ANKFN1: variants seen among roughly 807,000 people sequenced by gnomAD.
The protein encoded by ANKFN1 is ankyrin repeat and fibronectin type-III domain-containing protein 1.
ANKFN1 carries 74 observed loss-of-function variants against 108.7 expected under a neutral mutation model. The observed-to-expected ratio is 0.68, with a 90% CI of 0.56 to 0.83. ANKFN1 has a LOEUF of 0.83. Ranked by LOEUF, ANKFN1 falls within the 40% of genes least tolerant of loss-of-function variation. ANKFN1 has a pLI of 0.00. For synonymous variants in ANKFN1, 547 were observed against 516.2 expected (o/e 1.06, Z -0.81); for missense variants, 1,505 against 1,382.3 (o/e 1.09, Z -1.41).
At chr17:56,255,829 T>G (rs937171049) in intron 3 of ANKFN1, among the ~76,000 whole-genome samples, 4 of 152,158 alleles carry the variant, frequency 2.6e-5, no homozygotes, top group African/African-American at 7.2e-5. Context: ...AATCTAATAT[T>G]AGGAATTTAT....
At chr17:56,352,618 A>T (rs192445245) in intron 5 of ANKFN1, among the ~76,000 whole-genome samples, 110 of 152,280 alleles carry the variant, frequency 7.2e-4, no homozygotes, top group Non-Finnish European at 1.3e-3. Context: ...TTTTCAAAGG[A>T]ACCATATTTT....
At chr17:56,506,934 G>T (rs1052114575) in intron 20 of ANKFN1, among the ~76,000 whole-genome samples, 1 of 152,168 alleles carries the variant, frequency 6.6e-6, no homozygotes, top group South Asian at 2.1e-4. Context: ...GAGAATTGCT[G>T]TAAGTGTTAA....
chr17:56,398,768 A>G (rs1367822616), intron 8 of ANKFN1, among the ~76,000 whole-genome samples: 1 of 152,174 alleles, frequency 6.6e-6, no homozygotes, highest in Non-Finnish European at 1.5e-5. Flanking sequence ...TGATCTTGGA[A>G]AACGTTTCAT....
At chr17:56,396,948 A>G (rs1334344812) in intron 8 of ANKFN1, among the ~76,000 whole-genome samples, 1 of 152,184 alleles carries the variant, frequency 6.6e-6, no homozygotes, top group African/African-American at 2.4e-5. Flanking sequence ...GTTTCAAATC[A>G]TATAGTTGCA....
chr17:56,499,257 T>A (rs1303012238), intron 20 of ANKFN1, among the ~76,000 whole-genome samples, 159 bp downstream of exon 20: 2 of 152,058 alleles, frequency 1.3e-5, no homozygotes, highest in Non-Finnish European at 2.9e-5. Flanking sequence ...AAAATCAGAA[T>A]AGTAGAGGAA....
intron 4 of ANKFN1, among the ~76,000 whole-genome samples, chr17:56,055,675 T>C (rs1465127029): frequency 1.4e-5 from 2 of 148,112 alleles, no homozygotes; most frequent in African/African-American, 5.0e-5. Context: ...TGAATAATGC[T>C]GCAATGAACA....
chr17:56,482,869 T>A (rs760779281), intron 18 of ANKFN1, among the ~76,000 whole-genome samples: 2 of 152,080 alleles, frequency 1.3e-5, no homozygotes, highest in Admixed American at 6.6e-5. Flanking sequence ...TCTCTCTCTC[T>A]CTCACTCTCT....
At position 56,081,632 on chromosome 17, in the gene ANKFN1, C is replaced by T. The variant is rs187433920; in HGVS notation, c.288+35307C>T. On this transcript the variant is annotated intron_variant, in intron 4 of 12. Transcript: ENST00000635860. ...CCTCCCAAAGTACTGGGATTACAGG[C>T]ATAAGCCACTGCACCTGGCCTGACT... 4.9e-3 allele frequency among the ~76,000 whole-genome samples: 740 copies of T among 152,298 alleles called. 25 individuals are homozygous for T. The highest frequency in any genetic ancestry group is 0.035 in the Admixed American group (543 of 15,296).
chr17:56,136,136 G>A (rs956606887), intron 4 of ANKFN1, among the ~76,000 whole-genome samples: 2 of 152,108 alleles, frequency 1.3e-5, no homozygotes, highest in Non-Finnish European at 2.9e-5. Context: ...ACCTATGCAT[G>A]GACAGTCAGT....
At chr17:56,347,643 C>G (rs915423944) in intron 4 of ANKFN1, among the ~76,000 whole-genome samples, 37 of 151,968 alleles carry the variant, frequency 2.4e-4, no homozygotes, top group African/African-American at 8.0e-4. Context: ...TTCTTACCAT[C>G]TTATCTGACA....
At chr17:56,244,498 A>T (rs1917819132) in intron 3 of ANKFN1, among the ~76,000 whole-genome samples, 1 of 152,162 alleles carries the variant, frequency 6.6e-6, no homozygotes, top group African/African-American at 2.4e-5. Flanking sequence ...GAGAGAATGA[A>T]ATTACTCAGC....
chr17:56,309,873 C>G (rs2044959443), intron 3 of ANKFN1, among the ~76,000 whole-genome samples: 1 of 152,146 alleles, frequency 6.6e-6, no homozygotes, highest in Non-Finnish European at 1.5e-5. Flanking sequence ...CTCTCTTCAC[C>G]TTTCTTCTTG....
chr17:56,466,112 T>C (rs2050065285), intron 14 of ANKFN1, among the ~76,000 whole-genome samples: 1 of 152,222 alleles, frequency 6.6e-6, no homozygotes, highest in African/African-American at 2.4e-5. Context: ...AAAACATAAT[T>C]TTTATGCATC....
intron 3 of ANKFN1, among the ~76,000 whole-genome samples, chr17:56,289,629 C>A (rs2044306894): frequency 6.6e-6 from 1 of 152,244 alleles, no homozygotes; most frequent in African/African-American, 2.4e-5. Context: ...AGCTCCGTTT[C>A]TCCTGGCGCC....
chr17:56,482,488 G>A lies in ANKFN1; in HGVS notation c.2224G>A (p.Gly742Arg), dbSNP rs1240108843. 3.7e-6 allele frequency: 6 copies of A among 1,612,868 alleles called. No homozygotes were observed. The highest frequency in any genetic ancestry group is 1.7e-5 in the Admixed American group (1 of 59,844). Reference protein sequence around the residue: ...GQNNPYTPHSGFLNLPLQMFE... With the variant: ...GQNNPYTPHSRFLNLPLQMFE... ...GAATAATCCTTACACCCCACACTCA[G>A]GGTTTCTTAACCTCCCTCTTCAGAT... The change falls in exon 18 of 21, where the codon GGG (glycine) becomes AGG (arginine). Residue 742 changes from glycine (G) to arginine (R), a missense_variant. Transcript: ENST00000682825.
intron 8 of ANKFN1, among the ~76,000 whole-genome samples, chr17:56,411,575 A>G (rs2048090363): frequency 6.6e-6 from 1 of 152,228 alleles, no homozygotes; most frequent in Admixed American, 6.5e-5. Context: ...CTGATCTTAG[A>G]GAAAAAGCTT....
chr17:56,152,246 A>T, upstream of ANKFN1, among the ~76,000 whole-genome samples: 1 of 74,412 alleles, frequency 1.3e-5, no homozygotes, highest in Admixed American at 1.4e-4. Flanking sequence ...TTGCAGGGAA[A>T]TATATATATA....
At chr17:56,238,543 T>A (rs575600256) in intron 3 of ANKFN1, among the ~76,000 whole-genome samples, 2 of 152,278 alleles carry the variant, frequency 1.3e-5, no homozygotes, top group East Asian at 3.9e-4. Flanking sequence ...AATGCCCTTC[T>A]TTGTCCTTTG....
chr17:56,491,964 A>G (rs1460773815), intron 18 of ANKFN1, among the ~76,000 whole-genome samples: 1 of 152,178 alleles, frequency 6.6e-6, no homozygotes, highest in African/African-American at 2.4e-5. Context: ...CCACTTCCCC[A>G]TACCTTACTA....
Sources: gnomAD v4.1 joint callset for allele counts (sites outside exome capture counted in the v4.1 genomes callset) on GRCh38, gnomAD v4.1.1 for gene constraint, MANE v1.5 for transcripts, NCBI Gene and HGNC (gene_info 2026-07-23, HGNC 2026-07-21) for gene names.